The following FSIP1 variants were observed in gnomAD, a reference collection of about 807,000 sequenced individuals.
FSIP1 encodes fibrous sheath-interacting protein 1.
In FSIP1, 65 loss-of-function variants were observed where a neutral mutation model predicts 60.9. The ratio of observed to expected loss-of-function variants is 1.07; its 90% confidence interval spans 0.87 to 1.31. The LOEUF (loss-of-function observed/expected upper bound fraction) is 1.31. FSIP1 is among the 40% of genes most tolerant of loss of function. The probability of loss-of-function intolerance (pLI) is 0.00; values close to 1 mark genes in which losing one functional copy is unlikely to be tolerated. For synonymous variants in FSIP1, 209 were observed against 221.2 expected (o/e 0.94, Z 0.49); for missense variants, 675 against 665.5 (o/e 1.01, Z -0.16).
intron 10 of FSIP1, among the ~76,000 whole-genome samples, chr15:39,629,107 C>G (rs1222864877): frequency 6.6e-6 from 1 of 152,168 alleles, no homozygotes; most frequent in Non-Finnish European, 1.5e-5. Context: ...TTTTGAAGAT[C>G]TCTCTTGGAT....
chr15:39,746,343 C>T (rs1481730526), intron 5 of FSIP1, among the ~76,000 whole-genome samples: 1 of 152,180 alleles, frequency 6.6e-6, no homozygotes, highest in Non-Finnish European at 1.5e-5. Context: ...CCAGAGTCCC[C>T]ATCTCCTTGA....
At chr15:39,610,539 G>T (rs1205904309) in intron 11 of FSIP1, among the ~76,000 whole-genome samples, 1 of 152,168 alleles carries the variant, frequency 6.6e-6, no homozygotes, top group Non-Finnish European at 1.5e-5. Flanking sequence ...GGTGGTGCGT[G>T]CCTGCAGTCT....
intron 7 of FSIP1, among the ~76,000 whole-genome samples, 162 bp from the exon 8 acceptor site, chr15:39,738,363 T>G (rs772225648): frequency 6.7e-6 from 1 of 150,232 alleles, no homozygotes; most frequent in Non-Finnish European, 1.5e-5. Context: ...ACCAAAATTT[T>G]TATATAGGGC....
intron 10 of FSIP1, among the ~76,000 whole-genome samples, chr15:39,708,517 C>T (rs1468632559): frequency 6.6e-6 from 1 of 152,176 alleles, no homozygotes; most frequent in East Asian, 1.9e-4. Flanking sequence ...TAACATTTAA[C>T]ATGTTAGCCC....
intron 11 of FSIP1, among the ~76,000 whole-genome samples, chr15:39,607,065 C>T: frequency 6.6e-6 from 1 of 152,188 alleles, no homozygotes; most frequent in Non-Finnish European, 1.5e-5. Flanking sequence ...GCAGTGGAAG[C>T]ATCCTGGCCT....
intron 10 of FSIP1, among the ~76,000 whole-genome samples, chr15:39,683,953 A>G (rs1894264051): frequency 6.6e-6 from 1 of 152,226 alleles, no homozygotes; most frequent in African/African-American, 2.4e-5. Context: ...CTAAATAAAT[A>G]CAGAGGCATA....
intron 5 of FSIP1, among the ~76,000 whole-genome samples, chr15:39,744,631 C>T (rs1312620554): frequency 6.6e-6 from 1 of 152,032 alleles, no homozygotes; most frequent in Non-Finnish European, 1.5e-5. Context: ...GAGGGGAGAC[C>T]CCGCACAAAG....
At chr15:39,765,241 C>CTT (rs71132116) in intron 4 of FSIP1, among the ~76,000 whole-genome samples, 3,272 of 115,104 alleles carry the variant, frequency 0.028, 137 homozygotes, top group African/African-American at 0.076. Context: ...GAAATTCTTT[C>CTT]TTTTTTTTTT....
chr15:39,742,801 C>T (rs1202965163), intron 5 of FSIP1, among the ~76,000 whole-genome samples: 1 of 152,144 alleles, frequency 6.6e-6, no homozygotes, highest in South Asian at 2.1e-4. Context: ...AATTCCAATT[C>T]CCTAATTTGG....
At chr15:39,635,323 G>A (rs112713597) in intron 10 of FSIP1, among the ~76,000 whole-genome samples, 1,720 of 150,594 alleles carry the variant, frequency 0.011, 39 homozygotes, top group African/African-American at 0.04. Context: ...GACAGAGAGA[G>A]ACTCTGTCTC....
intron 8 of FSIP1, among the ~76,000 whole-genome samples, chr15:39,731,138 T>A (rs953144025): frequency 2.6e-5 from 4 of 152,186 alleles, no homozygotes; most frequent in Non-Finnish European, 4.4e-5. Context: ...GATTATGATA[T>A]AGTCATAAAT....
intron 10 of FSIP1, among the ~76,000 whole-genome samples, chr15:39,657,935 G>A (rs2140447069): frequency 6.6e-6 from 1 of 152,256 alleles, no homozygotes; most frequent in African/African-American, 2.4e-5. Flanking sequence ...CAAGGTTTGG[G>A]CCATTCCTTC....
At chr15:39,778,849 T>C (rs1898151533) in intron 1 of FSIP1, among the ~76,000 whole-genome samples, 1 of 151,996 alleles carries the variant, frequency 6.6e-6, no homozygotes, top group African/African-American at 2.4e-5. Context: ...ATTTTATAAG[T>C]AATAAAAAAT....
At chr15:39,637,314 AT>A (rs1375119333) in intron 10 of FSIP1, among the ~76,000 whole-genome samples, 1 of 152,216 alleles carries the variant, frequency 6.6e-6, no homozygotes, top group Non-Finnish European at 1.5e-5. Context: ...AACTGAATTA[AT>A]TGAAACGATG....
chr15:39,674,849 T>C (rs183892456), intron 10 of FSIP1, among the ~76,000 whole-genome samples: 1 of 152,230 alleles, frequency 6.6e-6, no homozygotes, highest in African/African-American at 2.4e-5. Flanking sequence ...ATTTGACTCT[T>C]TTAAAAACAA....
chr15:39,668,603 C>T (rs1355607867), intron 10 of FSIP1, among the ~76,000 whole-genome samples: 1 of 152,192 alleles, frequency 6.6e-6, no homozygotes, highest in Non-Finnish European at 1.5e-5. Flanking sequence ...ATTTAAATGA[C>T]ATGCCAACTT....
intron 10 of FSIP1, among the ~76,000 whole-genome samples, chr15:39,639,628 C>A (rs1196900371): frequency 6.6e-6 from 1 of 152,142 alleles, no homozygotes; most frequent in Non-Finnish European, 1.5e-5. Flanking sequence ...CTTCTGTCTT[C>A]CAAAGAGTTC....
intron 9 of FSIP1, among the ~76,000 whole-genome samples, chr15:39,716,202 T>C (rs1895732376): frequency 6.6e-6 from 1 of 152,198 alleles, no homozygotes; most frequent in Admixed American, 6.5e-5. Context: ...TAAACTTTCA[T>C]GAAGATACAC....
At chr15:39,646,877 A>G (rs895166688) in intron 10 of FSIP1, among the ~76,000 whole-genome samples, 3 of 152,220 alleles carry the variant, frequency 2.0e-5, no homozygotes, top group African/African-American at 7.2e-5. Context: ...ACATACAGAG[A>G]AATATTATTT....
Sources: gnomAD v4.1 joint callset for allele counts (sites outside exome capture counted in the v4.1 genomes callset) on GRCh38, gnomAD v4.1.1 for gene constraint, MANE v1.5 for transcripts, NCBI Gene and HGNC (gene_info 2026-07-23, HGNC 2026-07-21) for gene names.